AK4: variants seen among roughly 807,000 people sequenced by gnomAD.
The protein encoded by AK4 is adenylate kinase 4, mitochondrial.
In AK4, 13 loss-of-function variants were observed where a neutral mutation model predicts 24.6. The observed-to-expected ratio is 0.53, with a 90% CI of 0.34 to 0.84. AK4 has a LOEUF of 0.84. AK4 is among the 40% of genes least tolerant of loss of function. The pLI is 0.01. For synonymous variants in AK4, 88 were observed against 107.0 expected (o/e 0.82, Z 1.10); for missense variants, 192 against 288.2 (o/e 0.67, Z 2.42).
intron 4 of AK4, among the ~76,000 whole-genome samples, chr1:65,225,465 G>A (rs1168044139): frequency 6.6e-6 from 1 of 152,128 alleles, no homozygotes; most frequent in Non-Finnish European, 1.5e-5. Flanking sequence ...CATTTTTCAG[G>A]AATAGCAGAA....
chr1:65,189,214 C>A (rs538458478), intron 1 of AK4, among the ~76,000 whole-genome samples: 2 of 151,956 alleles, frequency 1.3e-5, no homozygotes, highest in Non-Finnish European at 2.9e-5. Context: ...GGATTACAGG[C>A]GTGAGCCACC....
intron 2 of AK4, among the ~76,000 whole-genome samples, chr1:65,191,436 A>G (rs1483273373): frequency 6.6e-6 from 1 of 152,114 alleles, no homozygotes; most frequent in Admixed American, 6.6e-5. Context: ...TTCTGAGGAC[A>G]CAAAGAAGAA....
intron 1 of AK4, among the ~76,000 whole-genome samples, chr1:65,187,940 G>A (rs1309560726): frequency 6.6e-6 from 1 of 152,174 alleles, no homozygotes; most frequent in Non-Finnish European, 1.5e-5. Context: ...TTTGCAGCAT[G>A]TTAGTGAATC....
At chr1:65,224,084 A>G (rs1354095852) in intron 3 of AK4, among the ~76,000 whole-genome samples, 2 of 152,216 alleles carry the variant, frequency 1.3e-5, no homozygotes, top group African/African-American at 2.4e-5. Context: ...GAAGCAACAC[A>G]TAGGAAAAGC....
At chr1:65,171,253 CTT>C (rs562201269) in intron 1 of AK4, among the ~76,000 whole-genome samples, 17 of 116,352 alleles carry the variant, frequency 1.5e-4, no homozygotes, top group Non-Finnish European at 1.6e-4. Flanking sequence ...AATTATAGGC[CTT>C]TTTTTTTTTT....
At chr1:65,178,914 C>T (rs1446693863) in intron 1 of AK4, among the ~76,000 whole-genome samples, 1 of 152,118 alleles carries the variant, frequency 6.6e-6, no homozygotes, top group Non-Finnish European at 1.5e-5. Flanking sequence ...TGAATGCTAT[C>T]CTAAGGAGTA....
At position 65,187,999 on chromosome 1, in the gene AK4, CAA is replaced by C. The variant is rs369799808; in HGVS notation, c.146-2710_146-2709del. Among the ~76,000 whole-genome samples the C allele has an allele frequency of 1.6e-4, 24 of 152,272 alleles. No homozygotes were observed. In the East Asian group the frequency reaches 3.5e-3, roughly 22 times the overall value. On this transcript the variant is annotated intron_variant, in intron 1 of 4. Coordinates refer to ENST00000327299, the MANE Select transcript of AK4 (RefSeq NM_013410.4). The stretch of plus-strand genomic sequence containing the variant: ...GAGCTACTTGTCTAGTGGTAGTACT[CAA>C]GAGATATGGAGCCCTTCACAGCCCA...
chr1:65,196,630 A>G (rs1267347316), intron 2 of AK4, among the ~76,000 whole-genome samples: 2 of 151,914 alleles, frequency 1.3e-5, no homozygotes, highest in African/African-American at 4.8e-5. Context: ...ATGCCTGGCT[A>G]ATTTTTTGTA....
Position 65,148,483 on chromosome 1 carries a change from G to T in AK4, c.76G>T (p.Ala26Ser), listed in dbSNP as rs547617630. ...SGKGTVCQRI[A>S]QNFGLQHLSS... The stretch of plus-strand genomic sequence containing the variant: ...CAAGGGCACCGTGTGCCAGAGGATC[G>T]CCCAGAACTTTGGTCTCCAGCATCT... The change falls in exon 1 of 5, where the codon GCC (alanine) becomes TCC (serine). Residue 26 changes from alanine to serine, a missense_variant. Physicochemically the swap from Ala to Ser is moderately conservative, Grantham distance 99 (BLOSUM62 1). Coordinates refer to ENST00000327299, the MANE Select transcript of AK4 (RefSeq NM_013410.4). 18 of 1,577,796 alleles carry T rather than the reference G, an allele frequency of 1.1e-5. No homozygotes were observed. In the Admixed American group the frequency reaches 2.6e-4, roughly 23 times the overall value.
At chr1:65,197,740 T>TGC (rs1651528063) in intron 2 of AK4, among the ~76,000 whole-genome samples, 1 of 152,210 alleles carries the variant, frequency 6.6e-6, no homozygotes, top group Admixed American at 6.5e-5. Context: ...CAGAGTATTT[T>TGC]GCCTTGATTT....
intron 1 of AK4, among the ~76,000 whole-genome samples, chr1:65,179,287 A>G (rs1440943286): frequency 1.3e-5 from 2 of 152,208 alleles, no homozygotes; most frequent in Non-Finnish European, 2.9e-5. Context: ...TTTCAGCAGC[A>G]TGTATGCTAA....
intron 2 of AK4, among the ~76,000 whole-genome samples, chr1:65,194,073 A>C (rs561696653): frequency 6.6e-6 from 1 of 152,372 alleles, no homozygotes; most frequent in East Asian, 1.9e-4. Context: ...CCTGGATGAC[A>C]GAGTGAGACC....
chr1:65,187,999 C>T (rs560461955), intron 1 of AK4, among the ~76,000 whole-genome samples: 31 of 152,272 alleles, frequency 2.0e-4, no homozygotes, highest in African/African-American at 7.0e-4. Flanking sequence ...TGGTAGTACT[C>T]AAGAGATATG....
At chr1:65,205,038 A>T (rs1346434226) in intron 2 of AK4, among the ~76,000 whole-genome samples, 2 of 152,156 alleles carry the variant, frequency 1.3e-5, no homozygotes, top group Non-Finnish European at 2.9e-5. Context: ...TTTTTCATTC[A>T]ACACTGGGTT....
At chr1:65,177,631 C>T (rs956500732) in intron 1 of AK4, among the ~76,000 whole-genome samples, 2 of 152,216 alleles carry the variant, frequency 1.3e-5, no homozygotes, top group Non-Finnish European at 2.9e-5. Flanking sequence ...AGAAATCTTT[C>T]AGAGTTGACT....
At chr1:65,189,155 G>A (rs548989369) in intron 1 of AK4, among the ~76,000 whole-genome samples, 16 of 150,988 alleles carry the variant, frequency 1.1e-4, no homozygotes, top group East Asian at 4.0e-4. Flanking sequence ...GGCTGGTCTC[G>A]AACTCTTGAC....
intron 2 of AK4, among the ~76,000 whole-genome samples, chr1:65,198,131 A>G (rs1488633253): frequency 6.6e-6 from 1 of 152,232 alleles, no homozygotes; most frequent in African/African-American, 2.4e-5. Context: ...GTGAAAAATC[A>G]TAGCCACATA....
chr1:65,224,186 T>C (rs1413954176), intron 3 of AK4, among the ~76,000 whole-genome samples: 4 of 152,152 alleles, frequency 2.6e-5, no homozygotes, highest in African/African-American at 7.2e-5. Flanking sequence ...TTTTTTCCCT[T>C]CTGTATGTTC....
intron 1 of AK4, among the ~76,000 whole-genome samples, chr1:65,179,045 G>T (rs1445485970): frequency 6.6e-6 from 1 of 152,176 alleles, no homozygotes; most frequent in Non-Finnish European, 1.5e-5. Flanking sequence ...GATTGGGGGA[G>T]GGAGAGGGTC....
Sources: allele counts gnomAD v4.1 joint callset (sites outside exome capture counted in the v4.1 genomes callset), GRCh38; gene constraint gnomAD v4.1.1; transcripts MANE v1.5; gene names NCBI Gene and HGNC (gene_info 2026-07-23, HGNC 2026-07-21).